Variants in TAFA4 observed in about 807,000 individuals in gnomAD.
The protein encoded by TAFA4 is TAFA chemokine like family member 4.
A neutral mutation model predicts 21.1 loss-of-function variants in TAFA4; 20 were observed. The ratio of observed to expected loss-of-function variants is 0.95; its 90% CI spans 0.67 to 1.38. The LOEUF (loss-of-function observed/expected upper bound fraction) is 1.38. TAFA4 is among the 40% of genes most tolerant of loss of function. The pLI is 0.00. For synonymous variants in TAFA4, 71 were observed against 67.4 expected (o/e 1.05, Z -0.26); for missense variants, 211 against 180.9 (o/e 1.17, Z -0.95).
chr3:68,810,575 C>G (rs1046268346), intron 3 of TAFA4, among the ~76,000 whole-genome samples: 9 of 152,172 alleles, frequency 5.9e-5, no homozygotes, highest in Admixed American at 5.9e-4. Context: ...TCACTCATTG[C>G]TAGCACAGCA....
chr3:68,760,772 C>T (rs1702743943), intron 3 of TAFA4, among the ~76,000 whole-genome samples: 1 of 152,220 alleles, frequency 6.6e-6, no homozygotes, highest in African/African-American at 2.4e-5. Context: ...TAGTAATTCT[C>T]AACTTTCTTC....
At chr3:68,833,006 C>A (rs1376731391) in intron 3 of TAFA4, among the ~76,000 whole-genome samples, 1 of 152,248 alleles carries the variant, frequency 6.6e-6, no homozygotes, top group Non-Finnish European at 1.5e-5. Flanking sequence ...ATGGGACGTG[C>A]CAAGCCAGGC....
chr3:68,745,939 G>A (rs888591513), intron 4 of TAFA4, among the ~76,000 whole-genome samples: 2 of 152,126 alleles, frequency 1.3e-5, no homozygotes, highest in Non-Finnish European at 2.9e-5. Flanking sequence ...TGTTGCCAAA[G>A]GAGATTAACA....
At chr3:68,867,960 A>G (rs2089438903) in intron 3 of TAFA4, among the ~76,000 whole-genome samples, 2 of 152,090 alleles carry the variant, frequency 1.3e-5, no homozygotes, top group African/African-American at 4.8e-5. Flanking sequence ...AAACAACCAG[A>G]AAATAACAAT....
intron 3 of TAFA4, among the ~76,000 whole-genome samples, chr3:68,785,978 C>G (rs1703252335): frequency 6.6e-6 from 1 of 152,232 alleles, no homozygotes; most frequent in Admixed American, 6.5e-5. Context: ...GTTCAGTACT[C>G]TTTCACAATA....
At chr3:68,901,043 A>T (rs1307663497) in intron 1 of TAFA4, among the ~76,000 whole-genome samples, 1 of 152,204 alleles carries the variant, frequency 6.6e-6, no homozygotes, top group African/African-American at 2.4e-5. Flanking sequence ...AGAATGAGAA[A>T]CAGCTAATAA....
Position 68,753,286 on chromosome 3 carries a change from T to C in TAFA4, c.131-268A>G, listed in dbSNP as rs866741638. 2.0e-5 allele frequency among the ~76,000 whole-genome samples: 3 copies of C among 151,746 alleles called. No homozygotes were observed. The East Asian group carries it at 5.8e-4, about 29-fold the overall frequency. On this transcript the variant is annotated intron_variant, in intron 3 of 5. Coordinates refer to ENST00000295569, the MANE Select transcript of TAFA4 (RefSeq NM_182522.5). The stretch of plus-strand genomic sequence containing the variant: ...GGTCACACTCATGGTTATGACACAT[T>C]AATTACATGATAAAAGAGAGTTTGC...
chr3:68,772,833 CATCCATCCATCCATCCGTCA>C lies in TAFA4; in HGVS notation c.131-19835_131-19816del, dbSNP rs1429785070. Reference sequence around the variant, plus strand: ...GCCAGTTCCCCTAATAATCCCCTCTCATCCATCCATCCATCCGTCAATCCATCCATCCATCCATCCATTCA... The same window carrying C: ...GCCAGTTCCCCTAATAATCCCCTCTCATCCATCCATCCATCCATCCATTCA... On this transcript the variant is annotated intron_variant, in intron 3 of 5. Coordinates refer to ENST00000295569, the MANE Select transcript of TAFA4 (RefSeq NM_182522.5). Among the ~76,000 whole-genome samples, 8 of 152,116 alleles carry C rather than the reference CATCCATCCATCCATCCGTCA, an allele frequency of 5.3e-5. No individual in the cohort carries two copies. In the South Asian group the frequency reaches 6.2e-4, roughly 12 times the overall value.
At chr3:68,921,285 A>T (rs2107023525) in intron 1 of TAFA4, among the ~76,000 whole-genome samples, 1 of 152,134 alleles carries the variant, frequency 6.6e-6, no homozygotes, top group East Asian at 1.9e-4. Context: ...TGCCAATTCT[A>T]ACCTTCCTGC....
At chr3:68,888,433 A>G (rs2089695933) in intron 1 of TAFA4, among the ~76,000 whole-genome samples, 1 of 152,082 alleles carries the variant, frequency 6.6e-6, no homozygotes, top group Non-Finnish European at 1.5e-5. Context: ...CATTCACAGC[A>G]ATACAGTTTT....
chr3:68,845,321 G>A (rs1344936052), intron 3 of TAFA4, among the ~76,000 whole-genome samples: 1 of 151,964 alleles, frequency 6.6e-6, no homozygotes, highest in Admixed American at 6.6e-5. Flanking sequence ...TCAGAGACTA[G>A]TATTGCAACC....
At position 68,733,071 on chromosome 3, in the gene TAFA4, T is replaced by G. The variant is rs2106716782; in HGVS notation, c.*71A>C. 6.2e-7 allele frequency: 1 copy of G among 1,602,964 alleles called. No individual in the cohort carries two copies. The highest frequency in any genetic ancestry group is 8.5e-7 in the Non-Finnish European group (1 of 1,173,238). The stretch of plus-strand genomic sequence containing the variant: ...TAGACAATTTTCTGCAAAGGGGCCA[T>G]GATGGGAATCCAAGCAAAAGAGCTC... On this transcript the variant is annotated 3_prime_UTR_variant, in exon 6 of 6. Coordinates refer to ENST00000295569, the MANE Select transcript of TAFA4 (RefSeq NM_182522.5).
chr3:68,875,429 G>C (rs1215921563), intron 3 of TAFA4, among the ~76,000 whole-genome samples: 1 of 152,066 alleles, frequency 6.6e-6, no homozygotes, highest in African/African-American at 2.4e-5. Flanking sequence ...CTATCTTATG[G>C]ATGCCTTTTT....
chr3:68,840,548 G>A (rs1269722487), intron 3 of TAFA4, among the ~76,000 whole-genome samples: 2 of 152,158 alleles, frequency 1.3e-5, no homozygotes, highest in African/African-American at 4.8e-5. Context: ...TCATTTTTAA[G>A]TAGTCTCCCT....
chr3:68,758,459 G>T (rs1575597665), intron 3 of TAFA4, among the ~76,000 whole-genome samples: 1 of 152,112 alleles, frequency 6.6e-6, no homozygotes, highest in African/African-American at 2.4e-5. Context: ...TTATAAAGGG[G>T]AGTTCCCCTG....
At chr3:68,816,877 A>G (rs1472209202) in intron 3 of TAFA4, among the ~76,000 whole-genome samples, 2 of 152,240 alleles carry the variant, frequency 1.3e-5, no homozygotes, top group East Asian at 3.8e-4. Flanking sequence ...TTGCTAAAAA[A>G]TGCTAACAAT....
At chr3:68,772,417 C>T (rs1444006283) in intron 3 of TAFA4, among the ~76,000 whole-genome samples, 1 of 152,080 alleles carries the variant, frequency 6.6e-6, no homozygotes, top group Non-Finnish European at 1.5e-5. Context: ...TGGGTGAGTG[C>T]CATCCAATTA....
At chr3:68,899,233 C>T (rs1206978906) in intron 1 of TAFA4, among the ~76,000 whole-genome samples, 1 of 151,950 alleles carries the variant, frequency 6.6e-6, no homozygotes, top group East Asian at 1.9e-4. Context: ...ATCTTAAAGC[C>T]TTAGTAGAAA....
intron 1 of TAFA4, among the ~76,000 whole-genome samples, chr3:68,920,544 T>C (rs1267000572): frequency 1.3e-5 from 2 of 151,872 alleles, no homozygotes; most frequent in Middle Eastern, 3.2e-3. Flanking sequence ...ATATTTTAAA[T>C]ATGCGCAGAA....
Sources: allele counts gnomAD v4.1 joint callset (sites outside exome capture counted in the v4.1 genomes callset), GRCh38; gene constraint gnomAD v4.1.1; transcripts MANE v1.5; gene names NCBI Gene and HGNC (gene_info 2026-07-23, HGNC 2026-07-21).